The following MLLT3 variants were observed in gnomAD, a reference collection of about 807,000 sequenced individuals.
MLLT3 encodes the protein MLLT3 super elongation complex subunit, also known as protein AF-9.
MLLT3 carries 4 observed loss-of-function variants against 53.2 expected under a neutral mutation model. That is an observed-to-expected ratio of 0.08 (90% CI 0.04 to 0.17). The LOEUF is 0.17. Among genes scored for constraint, MLLT3 ranks in the 10% least tolerant of loss-of-function variants. The pLI is 1.00. For missense variants in MLLT3, 569 were observed against 684.0 expected (o/e 0.83, Z 1.87); for synonymous variants, 283 against 230.6 (o/e 1.23, Z -2.06).
chr9:20,541,773 A>G (rs1272669744), intron 2 of MLLT3, among the ~76,000 whole-genome samples: 1 of 152,142 alleles, frequency 6.6e-6, no homozygotes, highest in African/African-American at 2.4e-5. Flanking sequence ...GCAACTCCTC[A>G]TCTGTTCAAG....
intron 2 of MLLT3, among the ~76,000 whole-genome samples, chr9:20,539,827 AG>A (rs1331454514): frequency 2.6e-5 from 4 of 152,168 alleles, no homozygotes; most frequent in African/African-American, 9.7e-5. Context: ...TTAACTCAAA[AG>A]TCCAAGTTCA....
chr9:20,558,807 T>C (rs1052578346), intron 2 of MLLT3, among the ~76,000 whole-genome samples: 3 of 152,248 alleles, frequency 2.0e-5, no homozygotes, highest in Non-Finnish European at 4.4e-5. Flanking sequence ...GAGAAACTGT[T>C]GGCATCATTT....
Position 20,413,980 on chromosome 9 carries a change from T to C in MLLT3, c.866A>G (p.Asp289Gly), listed in dbSNP as rs749625239. ...TTTTTTGGCTGAGAGTTCTTCAGAA[T>C]CTGAAATGGGCGGCCTTTTACTAGG... ...KAPSKRPPIS[D>G]SEELSAKKRK... Residue 289 changes from aspartate to glycine, a missense_variant, in exon 5 of 11, where the codon GAT becomes GGT. Asp to Gly is a moderately conservative substitution (Grantham distance 94). This residue lies in a region of MLLT3 where 437 missense variants were observed against 376.5 expected (regional missense o/e 1.16). Transcript: ENST00000380338. 83 of 1,613,948 alleles carry C rather than the reference T, an allele frequency of 5.1e-5. No homozygotes were observed. The Middle Eastern group carries it at 8.2e-4, about 16-fold the overall frequency.
chr9:20,606,514 A>G (rs1043552045), intron 2 of MLLT3, among the ~76,000 whole-genome samples: 1 of 152,136 alleles, frequency 6.6e-6, no homozygotes, highest in African/African-American at 2.4e-5. Flanking sequence ...ACAGGCTACA[A>G]AGTACTTTTA....
intron 2 of MLLT3, among the ~76,000 whole-genome samples, chr9:20,479,055 G>A (rs1476566044): frequency 6.6e-6 from 1 of 152,170 alleles, no homozygotes; most frequent in Non-Finnish European, 1.5e-5. Context: ...TCATCTGGCA[G>A]GGCCTGAATT....
intron 3 of MLLT3, among the ~76,000 whole-genome samples, chr9:20,450,587 T>C (rs1186320441): frequency 6.6e-6 from 1 of 152,180 alleles, no homozygotes; most frequent in Non-Finnish European, 1.5e-5. Context: ...TCACAAGTAG[T>C]GCTCCCCACA....
chr9:20,363,740 AG>A, intron 6 of MLLT3, 135 bp from the exon 7 acceptor site: 1 of 775,936 alleles, frequency 1.3e-6, no homozygotes, highest in Non-Finnish European at 1.8e-6. Context: ...ACAATTTACA[AG>A]GCAAATTTGG....
At chr9:20,351,670 A>T (rs986409623) in intron 10 of MLLT3, among the ~76,000 whole-genome samples, 1 of 152,186 alleles carries the variant, frequency 6.6e-6, no homozygotes, top group Non-Finnish European at 1.5e-5. Context: ...ATTTAACAGG[A>T]AAGGACCTAG....
intron 2 of MLLT3, among the ~76,000 whole-genome samples, chr9:20,586,852 G>A (rs775726537): frequency 1.3e-5 from 2 of 152,088 alleles, no homozygotes; most frequent in Non-Finnish European, 2.9e-5. Context: ...ATAAGAGTAA[G>A]AAAGAACTAT....
intron 5 of MLLT3, among the ~76,000 whole-genome samples, chr9:20,368,792 A>G (rs1315739543): frequency 6.6e-6 from 1 of 152,218 alleles, no homozygotes; most frequent in Non-Finnish European, 1.5e-5. Context: ...AAGTTTTACA[A>G]CAAAAGACAT....
In MLLT3 at chr9:20,445,641, T is replaced by C. The variant is rs146276127; in HGVS notation, c.420+2482A>G. 2.9e-3 allele frequency among the ~76,000 whole-genome samples: 448 copies of C among 152,326 alleles called. 1 individual carries two copies. Among genetic ancestry groups the C allele is most frequent in the Non-Finnish European group, 5.2e-3 (352 of 68,034 alleles). On this transcript the variant is annotated intron_variant, in intron 4 of 10. Transcript: ENST00000380338. Reference sequence around the variant, plus strand: ...CAACACTCAACTTTTAGTAGCTCTATGTACTTTTAGTTTAAAAGAAAATAA... The same window carrying C: ...CAACACTCAACTTTTAGTAGCTCTACGTACTTTTAGTTTAAAAGAAAATAA...
At chr9:20,497,450 G>A (rs1425191086) in intron 2 of MLLT3, among the ~76,000 whole-genome samples, 2 of 152,056 alleles carry the variant, frequency 1.3e-5, no homozygotes, top group Non-Finnish European at 2.9e-5. Context: ...TCCCTGCCCT[G>A]TCTAGGCTCC....
intron 10 of MLLT3, among the ~76,000 whole-genome samples, chr9:20,349,611 A>G (rs1051098744): frequency 1.3e-5 from 2 of 152,216 alleles, no homozygotes; most frequent in African/African-American, 4.8e-5. Flanking sequence ...TAATTATTTA[A>G]TAACAAATAG....
At chr9:20,461,793 C>T (rs1824114025) in intron 2 of MLLT3, among the ~76,000 whole-genome samples, 1 of 152,108 alleles carries the variant, frequency 6.6e-6, no homozygotes, top group African/African-American at 2.4e-5. Context: ...TTATGGCCAT[C>T]TGAATACTTT....
intron 2 of MLLT3, among the ~76,000 whole-genome samples, chr9:20,465,703 G>A (rs988344360): frequency 1.3e-5 from 2 of 152,124 alleles, no homozygotes; most frequent in Non-Finnish European, 1.5e-5. Context: ...TAACTTCAGA[G>A]GAAGGATTAA....
chr9:20,387,996 T>C (rs1822084002), intron 5 of MLLT3, among the ~76,000 whole-genome samples: 1 of 152,096 alleles, frequency 6.6e-6, no homozygotes, highest in Non-Finnish European at 1.5e-5. Flanking sequence ...CCCCCAAAAA[T>C]ACCTAATCAA....
Position 20,572,957 on chromosome 9 carries a change from T to C in MLLT3, c.193+47697A>G, listed in dbSNP as rs189000920. On this transcript the variant is annotated intron_variant, in intron 2 of 10. Transcript: ENST00000380338. ...GATGTGTTTTCTCCATCCATAGATA[T>C]AGTTTCTCCTTCAAAAAATTATACA... is the stretch of plus-strand genomic sequence containing the variant. 2.9e-3 allele frequency among the ~76,000 whole-genome samples: 444 copies of C among 152,306 alleles called. 2 individuals carry two copies. Among genetic ancestry groups the C allele is most frequent in the African/African-American group, 0.01 (418 of 41,568 alleles).
chr9:20,584,857 C>T (rs998369720), intron 2 of MLLT3, among the ~76,000 whole-genome samples: 1 of 152,196 alleles, frequency 6.6e-6, no homozygotes, highest in Non-Finnish European at 1.5e-5. Flanking sequence ...CATTTCTTTT[C>T]ATTGCTAAAC....
rs1819030724 is a variant in MLLT3 at position 20,555,349 on chromosome 9, T to A, written c.193+65305A>T. On this transcript the variant is annotated intron_variant, in intron 2 of 10. Transcript: ENST00000380338. ...CTATTTTTTTTTAATAGAGACAGCGTCTCACCATGTTGCCCAGGGTGGTCT... is the reference window on the plus strand; with the variant it reads ...CTATTTTTTTTTAATAGAGACAGCGACTCACCATGTTGCCCAGGGTGGTCT... Among the ~76,000 whole-genome samples the A allele has an allele frequency of 2.6e-5, 4 of 152,220 alleles. No homozygotes were observed. The South Asian group carries it at 8.3e-4, about 32-fold the overall frequency.
Sources: allele counts gnomAD v4.1 joint callset (sites outside exome capture counted in the v4.1 genomes callset), GRCh38; gene constraint gnomAD v4.1.1; regional missense constraint gnomAD v4.1.1; transcripts MANE v1.5; gene names NCBI Gene and HGNC (gene_info 2026-07-23, HGNC 2026-07-21).